The following DOT1L variants were observed in gnomAD, a reference collection of about 807,000 sequenced individuals.
DOT1L encodes DOT1 like histone lysine methyltransferase, also known as histone-lysine N-methyltransferase, H3 lysine-79 specific.
In DOT1L, 33 loss-of-function variants were observed where a neutral mutation model predicts 153.3. The ratio of observed to expected loss-of-function variants is 0.22; its 90% confidence interval spans 0.16 to 0.29. The LOEUF is 0.29. Among genes scored for constraint, DOT1L ranks in the 10% least tolerant of loss-of-function variants. DOT1L has a pLI of 1.00. For synonymous variants in DOT1L, 1,135 were observed against 965.1 expected (o/e 1.18, Z -3.26); for missense variants, 1,847 against 2,119.9 (o/e 0.87, Z 2.53).
rs1350413904 is a variant in DOT1L at position 2,226,933 on chromosome 19, G to T, written c.4412G>T (p.Gly1471Val). Residue 1471 changes from glycine to valine, a missense_variant, in exon 27 of 28, where the codon GGA (glycine) becomes GTA (valine). Around this residue, in one of 8 missense-constraint regions of DOT1L, gnomAD observed 934 missense variants for 825.3 expected, o/e 1.13. Transcript: ENST00000398665. ...TCCTTCCTGGGCCCCTTCCCGCCGG[G>T]ACCGCAGTTCGCGCTCGGCCCCATG... ...HRSFLGPFPP[G>V]PQFALGPMSL... 1.9e-6 allele frequency: 3 copies of T among 1,583,358 alleles called. No homozygotes were observed. The highest frequency in any genetic ancestry group is 1.1e-5 in the South Asian group (1 of 89,036).
chr19:2,209,522 C>T (rs944766626), intron 12 of DOT1L, among the ~76,000 whole-genome samples: 1 of 152,212 alleles, frequency 6.6e-6, no homozygotes, highest in African/African-American at 2.4e-5. Context: ...CAGAGTGCAG[C>T]TCCTGGGCCC....
At chr19:2,225,353 G>A in intron 25 of DOT1L, 35 bp from the exon 26 acceptor site, 1 of 1,592,128 alleles carries the variant, frequency 6.3e-7, no homozygotes. Context: ...TATGCAGCTG[G>A]GTTTCAAGCA....
intron 8 of DOT1L, among the ~76,000 whole-genome samples, chr19:2,202,431 C>A (rs2023330370): frequency 6.6e-6 from 1 of 152,222 alleles, no homozygotes. Flanking sequence ...GTGAACCTTC[C>A]CAGATCACTG....
intron 7 of DOT1L, 98 bp from the exon 8 acceptor site, chr19:2,199,786 G>A (rs1481118454): frequency 1.5e-5 from 22 of 1,493,286 alleles, no homozygotes; most frequent in South Asian, 8.8e-5. Flanking sequence ...CACTGCAAGC[G>A]GAGCTGTGTT....
Position 2,220,609 on chromosome 19 carries a change from C to T in DOT1L, c.2806+387C>T, listed in dbSNP as rs945333456. The T allele has an allele frequency of 2.0e-5, 9 of 441,686 alleles. No individual in the cohort carries two copies. Among genetic ancestry groups the T allele is most frequent in the Middle Eastern group, 6.7e-4 (2 of 2,988 alleles). 27.4% of individuals were successfully genotyped at this position (441,686 alleles called of 1,614,324 possible). ...CGACCGTGGGCCTCCGTGCTGGTAG[C>T]GGCATGGTTTCTGGTTCCTTGAGAA... On this transcript the variant is annotated intron_variant, in intron 23 of 27. Transcript: ENST00000398665. The surrounding 1 kb of genome is among the most constrained non-coding windows in gnomAD (Gnocchi z 4.5).
At chr19:2,202,314 C>A (rs2023323627) in intron 8 of DOT1L, among the ~76,000 whole-genome samples, 1 of 152,244 alleles carries the variant, frequency 6.6e-6, no homozygotes, top group Admixed American at 6.5e-5. Context: ...TTGGCGCCCC[C>A]TGTTGCAGTC....
chr19:2,208,194 C>T lies in DOT1L; in HGVS notation c.963+514C>T, dbSNP rs1040282601. On this transcript the variant is annotated intron_variant, in intron 11 of 27. Coordinates refer to ENST00000398665, the MANE Select transcript of DOT1L (RefSeq NM_032482.3). The surrounding 1 kb of genome is among the most constrained non-coding windows in gnomAD (Gnocchi z 4.4). ...CCTGCCTCCCACGGTGCTTCCCCCCCGGGCACGAGTATCCCGAGCCTCCTG... is the reference window on the plus strand; with the variant it reads ...CCTGCCTCCCACGGTGCTTCCCCCCTGGGCACGAGTATCCCGAGCCTCCTG... 1.3e-5 allele frequency among the ~76,000 whole-genome samples: 2 copies of T among 152,134 alleles called. No homozygotes were observed. Among genetic ancestry groups the T allele is most frequent in the African/African-American group, 4.8e-5 (2 of 41,412 alleles).
intron 7 of DOT1L, among the ~76,000 whole-genome samples, chr19:2,196,157 C>T (rs77188636): frequency 0.041 from 6,307 of 152,326 alleles, 198 homozygotes; most frequent in East Asian, 0.13. Flanking sequence ...CAGACCCCTC[C>T]GCACTGTCCC....
chr19:2,217,231 G>A lies in DOT1L; in HGVS notation c.2544+141G>A, dbSNP rs2023942542. The A allele has an allele frequency of 8.0e-7, 1 of 1,248,914 alleles. No individual in the cohort carries two copies. The highest frequency in any genetic ancestry group is 1.1e-6 in the Non-Finnish European group (1 of 935,348). The allele number at this position is 1,248,914 out of a possible 1,614,324, so 77.4% of individuals were successfully genotyped here. A position where few individuals can be genotyped will look rare whatever the true frequency, so the allele number is the denominator to read the frequency against. ...GGCTGACCTGGAGTAGGATGTTGTG[G>A]CAGAGTTGGGGGCAACCAGTAAGGA... On this transcript the variant is annotated intron_variant, in intron 21 of 27. Coordinates refer to ENST00000398665, the MANE Select transcript of DOT1L (RefSeq NM_032482.3). The surrounding 1 kb of genome is among the most constrained non-coding windows in gnomAD (Gnocchi z 7.3).
chr19:2,231,572 A>C lies in DOT1L; in HGVS notation c.*1780A>C, dbSNP rs368073980. ...GATGGTGCTCCGGACCTGTCCTCTT[A>C]AGTGGTGCCCAGTGCCCTCCCCACC... On this transcript the variant is annotated 3_prime_UTR_variant, in exon 28 of 28. Coordinates refer to ENST00000398665, the MANE Select transcript of DOT1L (RefSeq NM_032482.3). 2.1e-5 allele frequency: 4 copies of C among 194,702 alleles called. No homozygotes were observed. The highest frequency in any genetic ancestry group is 4.2e-5 in the Non-Finnish European group (4 of 94,276). 12.1% of individuals were successfully genotyped at this position (194,702 alleles called of 1,614,324 possible).
At position 2,226,264 on chromosome 19, in the gene DOT1L, T is replaced by C; in HGVS notation, c.3743T>C (p.Ile1248Thr). The C allele has an allele frequency of 6.3e-7, 1 of 1,586,944 alleles. No homozygotes were observed. The highest frequency in any genetic ancestry group is 8.6e-7 in the Non-Finnish European group (1 of 1,165,580). ...AAGTGGAAGTCCACCTTCTCGCCCA[T>C]CTCCGACATCGGCCTGGCCAAGTCG... ...SSKWKSTFSP[I>T]SDIGLAKSAD... Residue 1248 changes from isoleucine to threonine, a missense_variant, in exon 27 of 28, where the codon ATC (isoleucine) becomes ACC (threonine). Physicochemically the swap from Ile to Thr is moderately conservative, Grantham distance 89 (BLOSUM62 -1). Transcript: ENST00000398665.
At chr19:2,228,784 C>T (rs1025770157) in intron 27 of DOT1L, 1 of 985,412 alleles carries the variant, frequency 1.0e-6, no homozygotes, top group Non-Finnish European at 1.2e-6. Context: ...TGGCTTGGTG[C>T]TGTTCCCCAG....
In DOT1L at chr19:2,226,974, C is replaced by T; in HGVS notation, c.4453C>T (p.Leu1485Phe). The T allele has an allele frequency of 6.3e-7, 1 of 1,591,856 alleles. No individual in the cohort carries two copies. The highest frequency in any genetic ancestry group is 8.5e-7 in the Non-Finnish European group (1 of 1,176,664). ...ALGPMSLQANLGSVAGSSVLQ... is the reference protein window; with the variant it reads ...ALGPMSLQANFGSVAGSSVLQ... ...CGGCCCCATGTCCCTGCAGGCCAAC[C>T]TCGGCTCCGTGGCCGGCTCCTCCGT... The change falls in exon 27 of 28, where the codon CTC becomes TTC. Residue 1485 changes from leucine (L) to phenylalanine (F), a missense_variant. Leu to Phe is a conservative substitution (Grantham distance 22, BLOSUM62 0). Transcript: ENST00000398665.
intron 9 of DOT1L, among the ~76,000 whole-genome samples, 191 bp from the exon 10 acceptor site, chr19:2,206,538 A>G (rs560271556): frequency 6.6e-6 from 1 of 151,900 alleles, no homozygotes. Flanking sequence ...AAAAAAAAAA[A>G]AAAAAAGTTA....
chr19:2,183,916 C>T (rs751397110), intron 2 of DOT1L, among the ~76,000 whole-genome samples: 9 of 140,434 alleles, frequency 6.4e-5, no homozygotes, highest in Non-Finnish European at 9.7e-5. Context: ...TGAGCCACCA[C>T]GCCCGGCCTT....
At chr19:2,167,465 A>G (rs2019967608) in intron 1 of DOT1L, among the ~76,000 whole-genome samples, 1 of 152,104 alleles carries the variant, frequency 6.6e-6, no homozygotes, top group Non-Finnish European at 1.5e-5. Context: ...AGCTGGCGGG[A>G]GCGGGCTTTC....
In DOT1L at chr19:2,226,885, C is replaced by T. The variant is rs773735854; in HGVS notation, c.4364C>T (p.Ala1455Val). 10 of 1,574,734 alleles carry T rather than the reference C, an allele frequency of 6.4e-6. No individual in the cohort carries two copies. The highest frequency in any genetic ancestry group is 3.5e-5 in the Admixed American group (2 of 56,540). Residue 1455 changes from alanine to valine, a missense_variant, in exon 27 of 28, where the codon GCG becomes GTG. Coordinates refer to ENST00000398665, the MANE Select transcript of DOT1L (RefSeq NM_032482.3). Reference sequence around the variant, plus strand: ...GCGGCGTCCTCCGCAGGCGGCGCGGCGTCCTCCGCCCAGACGCACCGGTCC... The same window carrying T: ...GCGGCGTCCTCCGCAGGCGGCGCGGTGTCCTCCGCCCAGACGCACCGGTCC... ...APAASSAGGA[A>V]SSAQTHRSFL...
rs749907710 is a variant in DOT1L, at chr19:2,228,112, C to T, written c.4606+985C>T. On this transcript the variant is annotated intron_variant, in intron 27 of 27. Transcript: ENST00000398665. ...AACCAAGCTTTCTTGCCCCCCACCT[C>T]TGCTGCCTCTCTGCCGCCTGCTAAC... 5.9e-6 allele frequency: 8 copies of T among 1,359,394 alleles called. No individual in the cohort carries two copies. The East Asian group carries it at 1.9e-4, about 31-fold the overall frequency. 84.2% of individuals were successfully genotyped at this position (1,359,394 alleles called of 1,614,324 possible).
In DOT1L at chr19:2,222,413, G is replaced by A. The variant is rs1394204460; in HGVS notation, c.3244G>A (p.Asp1082Asn). The stretch of plus-strand genomic sequence containing the variant: ...GGACTGTGTGCCGAGCCACGGGCAG[G>A]ACAGTCGCAGGCGCGGCCGGCGGAA... ...RGDCVPSHGQ[D>N]SRRRGRRKRA... is the part of the protein sequence containing the mutation. Residue 1082 changes from aspartate to asparagine, a missense_variant, in exon 24 of 28, where the codon GAC becomes AAC. By Grantham distance (23) the Asp-to-Asn change is conservative. This residue lies in a region of DOT1L where 934 missense variants were observed against 825.3 expected (regional missense o/e 1.13). Transcript: ENST00000398665. This position sits in a 1 kb window ranked among gnomAD's most constrained non-coding sequence, Gnocchi z 6.5. 1.9e-6 allele frequency: 3 copies of A among 1,610,742 alleles called. No homozygotes were observed. In the African/African-American group the frequency reaches 4.0e-5, roughly 21 times the overall value.
Sources: allele counts gnomAD v4.1 joint callset (sites outside exome capture counted in the v4.1 genomes callset), GRCh38; gene constraint gnomAD v4.1.1; regional missense constraint gnomAD v4.1.1; non-coding constraint Gnocchi (gnomAD v3.1); transcripts MANE v1.5; gene names NCBI Gene and HGNC (gene_info 2026-07-23, HGNC 2026-07-21).